The following POLA1 variants were observed in gnomAD, a reference collection of about 807,000 sequenced individuals.
POLA1 encodes the protein DNA polymerase alpha 1, catalytic subunit.
POLA1 carries 15 observed loss-of-function variants against 124.0 expected under a neutral mutation model. That is an observed-to-expected ratio of 0.12 (90% confidence interval 0.08 to 0.19). The LOEUF is 0.19. Among genes scored for constraint, POLA1 ranks in the 10% least tolerant of loss-of-function variants. The pLI is 1.00. For missense variants in POLA1, 886 were observed against 1,103.4 expected (o/e 0.80, Z 2.79); for synonymous variants, 408 against 389.4 (o/e 1.05, Z -0.56).
chrX:24,983,338 A>G (rs1448957893), intron 36 of POLA1, among the ~76,000 whole-genome samples: 1 of 112,634 alleles, frequency 8.9e-6, no homozygotes, highest in Non-Finnish European at 1.9e-5. Context: ...CTAGAATGCC[A>G]AACTGTGCTC....
intron 29 of POLA1, among the ~76,000 whole-genome samples, chrX:24,814,242 A>G (rs1464309250): frequency 8.9e-6 from 1 of 112,501 alleles, no homozygotes. Flanking sequence ...GAAATGTATT[A>G]GTAATTAAAG....
At chrX:24,803,993 C>A (rs1211805611) in intron 26 of POLA1, among the ~76,000 whole-genome samples, 4 of 83,298 alleles carry the variant, frequency 4.8e-5, no homozygotes, top group African/African-American at 1.9e-4. Context: ...TTTATCTTTG[C>A]AAAGCACTTT....
intron 36 of POLA1, among the ~76,000 whole-genome samples, chrX:24,975,866 A>G (rs1481475560): frequency 8.9e-6 from 1 of 112,595 alleles, no homozygotes. Flanking sequence ...ATACAGTGGT[A>G]TTAGCAGTAT....
At chrX:24,924,517 C>T (rs1339336970) in intron 35 of POLA1, among the ~76,000 whole-genome samples, 3 of 111,420 alleles carry the variant, frequency 2.7e-5, no homozygotes, top group African/African-American at 6.5e-5. Context: ...ATGTGGTCCC[C>T]GCCCTCAGCA....
chrX:24,966,137 C>T (rs1208979297), intron 36 of POLA1, among the ~76,000 whole-genome samples: 1 of 112,515 alleles, frequency 8.9e-6, no homozygotes, highest in Non-Finnish European at 1.9e-5. Flanking sequence ...AAACTAGCAA[C>T]TCTGCCTTAC....
rs896980879 is a variant in POLA1 at position 24,826,532 on chromosome X, C to T, written c.3667C>T (p.His1223Tyr). The T allele has an allele frequency of 8.3e-7, 1 of 1,206,788 alleles. No homozygotes were observed. Among genetic ancestry groups the T allele is most frequent in the Admixed American group, 2.2e-5 (1 of 45,878 alleles). ...DTQYYLAQQI[H>Y]PVVARICEPI... The stretch of plus-strand genomic sequence containing the variant: ...CCAGTACTACCTGGCCCAGCAGATC[C>T]ACCCAGTCGTGGCTCGGATCTGTGA... The change falls in exon 32 of 37, where the codon CAC (histidine) becomes TAC (tyrosine). Residue 1223 changes from histidine (H) to tyrosine (Y), a missense_variant. Coordinates refer to ENST00000379068, the MANE Select transcript of POLA1 (RefSeq NM_001330360.2).
At chrX:24,968,563 CGT>C in intron 36 of POLA1, among the ~76,000 whole-genome samples, 1 of 109,659 alleles carries the variant, frequency 9.1e-6, no homozygotes, top group African/African-American at 3.3e-5. Flanking sequence ...GCTGGGCGTG[CGT>C]GGTGGCGGGT....
At chrX:24,879,445 G>A (rs1048019497) in intron 34 of POLA1, among the ~76,000 whole-genome samples, 1 of 112,135 alleles carries the variant, frequency 8.9e-6, no homozygotes, top group African/African-American at 3.2e-5. Flanking sequence ...AGAGATTAAT[G>A]GAATGTGGAA....
chrX:24,787,215 T>C (rs1051505366), intron 26 of POLA1, among the ~76,000 whole-genome samples: 1 of 111,959 alleles, frequency 8.9e-6, no homozygotes, highest in Non-Finnish European at 1.9e-5. Context: ...TTTTAGTTTG[T>C]TGCAGTCTTA....
Position 24,812,669 on chromosome X carries a change from A to C in POLA1, c.3102A>C (p.Glu1034Asp). Residue 1034 changes from glutamate to aspartate, a missense_variant, in exon 29 of 37, where the codon GAA (glutamate) becomes GAC (aspartate). By Grantham distance (45) the Glu-to-Asp change is conservative. This residue lies in a region of POLA1 where 313 missense variants were observed against 359.7 expected (regional missense o/e 0.87). Coordinates refer to ENST00000379068, the MANE Select transcript of POLA1 (RefSeq NM_001330360.2). ...TGAAATTTTCACAGGTAAAAAGTGA[A>C]GTGAATAAGTTGTACAAACTGCTTG... ...VFKLGNKVKS[E>D]VNKLYKLLEI... The C allele has an allele frequency of 8.5e-7, 1 of 1,174,481 alleles. No homozygotes were observed. The highest frequency in any genetic ancestry group is 1.2e-6 in the Non-Finnish European group (1 of 864,645).
At chrX:24,923,471 A>T (rs1473648207) in intron 35 of POLA1, among the ~76,000 whole-genome samples, 1 of 111,784 alleles carries the variant, frequency 8.9e-6, no homozygotes, top group Non-Finnish European at 1.9e-5. Flanking sequence ...GTTGCCAAAG[A>T]CTTTGAAAAA....
In POLA1 at chrX:24,703,317, C is replaced by G; in HGVS notation, c.235C>G (p.Arg79Gly). Reference protein sequence around the residue: ...EEQYSKLVQARQDDDWIVDDD... With the variant: ...EEQYSKLVQAGQDDDWIVDDD... ...ACAGTATTCGAAGCTGGTTCAGGCA[C>G]GCCAGGATGATGACTGGATTGTGGA... The change falls in exon 3 of 37, where the codon CGC (arginine) becomes GGC (glycine). Residue 79 changes from arginine (R) to glycine (G), a missense_variant. By Grantham distance (125) the Arg-to-Gly change is moderately radical. This residue lies in a region of POLA1 where 337 missense variants were observed against 402.8 expected (regional missense o/e 0.84). Coordinates refer to ENST00000379068, the MANE Select transcript of POLA1 (RefSeq NM_001330360.2). 1 of 1,200,810 alleles carries G rather than the reference C, an allele frequency of 8.3e-7. No homozygotes were observed. Among genetic ancestry groups the G allele is most frequent in the Non-Finnish European group, 1.1e-6 (1 of 887,154 alleles).
chrX:24,930,939 T>A (rs2047767645), intron 36 of POLA1, among the ~76,000 whole-genome samples: 1 of 112,093 alleles, frequency 8.9e-6, no homozygotes, highest in African/African-American at 3.2e-5. Flanking sequence ...GGAGTGTGTC[T>A]CTGCTGTTCG....
At chrX:24,720,402 A>G (rs1476929320) in intron 10 of POLA1, among the ~76,000 whole-genome samples, 2 of 112,153 alleles carry the variant, frequency 1.8e-5, no homozygotes, top group East Asian at 5.6e-4. Context: ...TCCAGCAGCA[A>G]TGCCTTGCAC....
chrX:24,837,767 A>T lies in POLA1; in HGVS notation c.3737-3885A>T, dbSNP rs1040930131. On this transcript the variant is annotated intron_variant, in intron 32 of 36. Coordinates refer to ENST00000379068, the MANE Select transcript of POLA1 (RefSeq NM_001330360.2). ...TTAATTAGCTTCCCTCATAGATTAAATGATCCATATTACAAACAACTGCTT... is the reference window on the plus strand; with the variant it reads ...TTAATTAGCTTCCCTCATAGATTAATTGATCCATATTACAAACAACTGCTT... Among the ~76,000 whole-genome samples the T allele has an allele frequency of 8.0e-5, 9 of 111,842 alleles. 1 individual carries two copies. In the East Asian group the frequency reaches 1.4e-3, roughly 17 times the overall value.
chrX:24,697,106 T>C (rs754806100), intron 1 of POLA1, among the ~76,000 whole-genome samples: 12 of 111,505 alleles, frequency 1.1e-4, no homozygotes, highest in Non-Finnish European at 2.1e-4. Context: ...TATATTGTGA[T>C]GGTAATTTCA....
intron 34 of POLA1, among the ~76,000 whole-genome samples, chrX:24,881,641 C>G (rs1484931427): frequency 1.8e-5 from 2 of 111,507 alleles, no homozygotes; most frequent in Non-Finnish European, 3.8e-5. Context: ...AGGGGACCGA[C>G]CATCCATGTA....
rs985186295 is a variant in POLA1 at position 24,739,312 on chromosome X, T to C, written c.2041-63T>C. ...ATTTTGGGCCAGCTTCAAAATAGGT[T>C]AGAAAGAAATGTTCTCAGTGTCTGC... is the stretch of plus-strand genomic sequence containing the variant. On this transcript the variant is annotated intron_variant, in intron 19 of 36. Transcript: ENST00000379068. 18 of 811,732 alleles carry C rather than the reference T, an allele frequency of 2.2e-5. No homozygotes were observed. In the Admixed American group the frequency reaches 5.4e-4, roughly 24 times the overall value. 66.9% of individuals were successfully genotyped at this position (811,732 alleles called of 1,213,427 possible).
Position 24,745,389 on chromosome X carries a change from CTT to C in POLA1, c.2567-25_2567-24del, listed in dbSNP as rs1335937790. 3 of 1,113,707 alleles carry C rather than the reference CTT, an allele frequency of 2.7e-6. No individual in the cohort carries two copies. In the African/African-American group the frequency reaches 5.6e-5, roughly 21 times the overall value. 91.8% of individuals were successfully genotyped at this position (1,113,707 alleles called of 1,213,427 possible). On this transcript the variant is annotated intron_variant, in intron 23 of 36. Transcript: ENST00000379068. ...TTTGACAATTCTGCTTTTCTTTAGA[CTT>C]TTTATGACGTGGCTTTTTAATTTCA...
Sources: allele counts gnomAD v4.1 joint callset (sites outside exome capture counted in the v4.1 genomes callset), GRCh38; gene constraint gnomAD v4.1.1; regional missense constraint gnomAD v4.1.1; transcripts MANE v1.5; gene names NCBI Gene and HGNC (gene_info 2026-07-23, HGNC 2026-07-21).